The following MCTP2 variants were observed in gnomAD, a reference collection of about 807,000 sequenced individuals.
MCTP2 encodes multiple C2 and transmembrane domain-containing protein 2.
In MCTP2, 132 loss-of-function variants were observed where a neutral mutation model predicts 111.6. That is an observed-to-expected ratio of 1.18 (90% CI 1.03 to 1.37). The LOEUF is 1.37. Ranked by LOEUF, MCTP2 falls within the 40% of genes most tolerant of loss-of-function variation. MCTP2 has a pLI of 0.00. For synonymous variants in MCTP2, 395 were observed against 387.7 expected (o/e 1.02, Z -0.22); for missense variants, 1,183 against 1,067.9 (o/e 1.11, Z -1.50).
intron 1 of MCTP2, among the ~76,000 whole-genome samples, chr15:94,238,386 A>G (rs1054653361): frequency 2.0e-5 from 3 of 152,132 alleles, no homozygotes; most frequent in East Asian, 1.9e-4. Context: ...CATTTTGTAT[A>G]TTGTGTAGAT....
chr15:94,350,641 C>G (rs2078252930), intron 8 of MCTP2, among the ~76,000 whole-genome samples: 1 of 152,184 alleles, frequency 6.6e-6, no homozygotes, highest in South Asian at 2.1e-4. Context: ...AGCTGTGTAC[C>G]TCACTGCTTC....
chr15:94,355,153 A>C lies in MCTP2; in HGVS notation c.1006-984A>C, dbSNP rs189430257. The stretch of plus-strand genomic sequence containing the variant: ...GACCATCAGGGAAATGTGAATATGC[A>C]CTGTGTATTTAATATGCTAGACAAC... On this transcript the variant is annotated intron_variant, in intron 8 of 22. Coordinates refer to ENST00000357742, the MANE Select transcript of MCTP2 (RefSeq NM_001385001.1). Among the ~76,000 whole-genome samples, 25 of 152,334 alleles carry C rather than the reference A, an allele frequency of 1.6e-4. No homozygotes were observed. The East Asian group carries it at 4.8e-3, about 29-fold the overall frequency.
chr15:94,475,642 G>A (rs1395747588), intron 21 of MCTP2, among the ~76,000 whole-genome samples: 1 of 152,144 alleles, frequency 6.6e-6, no homozygotes, highest in African/African-American at 2.4e-5. Flanking sequence ...CAAGCACCCT[G>A]TGGCAAAACT....
intron 1 of MCTP2, among the ~76,000 whole-genome samples, chr15:94,263,783 A>AT: frequency 6.6e-6 from 1 of 152,172 alleles, no homozygotes; most frequent in Non-Finnish European, 1.5e-5. Flanking sequence ...AGTGATTCAC[A>AT]TTTTTTTGCA....
chr15:94,288,115 G>C (rs2074848731), intron 1 of MCTP2, among the ~76,000 whole-genome samples: 1 of 152,192 alleles, frequency 6.6e-6, no homozygotes, highest in South Asian at 2.1e-4. Context: ...AGAGCTATTT[G>C]GTAGCTCTTA....
chr15:94,352,006 CAG>C (rs1367720059), intron 8 of MCTP2, among the ~76,000 whole-genome samples: 1 of 152,196 alleles, frequency 6.6e-6, no homozygotes, highest in African/African-American at 2.4e-5. Flanking sequence ...GTTTCCTCTG[CAG>C]CCATGCCAAG....
chr15:94,333,328 G>A (rs2077212630), intron 4 of MCTP2, among the ~76,000 whole-genome samples: 4 of 152,136 alleles, frequency 2.6e-5, no homozygotes, highest in Admixed American at 2.0e-4. Context: ...TTTGTGATAA[G>A]TGTACATTTA....
intron 1 of MCTP2, among the ~76,000 whole-genome samples, chr15:94,270,640 C>T (rs960358349): frequency 7.9e-5 from 12 of 152,280 alleles, no homozygotes; most frequent in Admixed American, 2.6e-4. Flanking sequence ...CTATCCCCCT[C>T]TCCTGGCCTT....
intron 1 of MCTP2, among the ~76,000 whole-genome samples, chr15:94,258,165 TGTGCCTG>T (rs1596201423): frequency 6.6e-6 from 1 of 151,456 alleles, no homozygotes; most frequent in East Asian, 1.9e-4. Flanking sequence ...TGTGAGCCAC[TGTGCCTG>T]GCCACATATT....
At chr15:94,401,275 C>A (rs1250582291) in intron 16 of MCTP2, among the ~76,000 whole-genome samples, 1 of 152,118 alleles carries the variant, frequency 6.6e-6, no homozygotes, top group Non-Finnish European at 1.5e-5. Context: ...AAAGCACTTA[C>A]TATGTGACAG....
chr15:94,424,159 C>G (rs1365055969), intron 17 of MCTP2, among the ~76,000 whole-genome samples: 2 of 152,096 alleles, frequency 1.3e-5, no homozygotes, highest in African/African-American at 4.8e-5. Flanking sequence ...TATTCTGTGA[C>G]TTGCATTTAT....
At chr15:94,318,829 T>C (rs1158573308) in intron 4 of MCTP2, among the ~76,000 whole-genome samples, 1 of 152,258 alleles carries the variant, frequency 6.6e-6, no homozygotes, top group African/African-American at 2.4e-5. Flanking sequence ...CATATCTTGC[T>C]GTTTCAAGAC....
chr15:94,376,313 C>T (rs979169634), intron 12 of MCTP2, among the ~76,000 whole-genome samples: 1 of 152,136 alleles, frequency 6.6e-6, no homozygotes, highest in East Asian at 1.9e-4. Context: ...AACCAGTGTC[C>T]AGTTCAATGA....
At chr15:94,403,424 C>A (rs2081712452) in intron 17 of MCTP2, among the ~76,000 whole-genome samples, 1 of 152,142 alleles carries the variant, frequency 6.6e-6, no homozygotes, top group South Asian at 2.1e-4. Context: ...CAATTCTGGG[C>A]AAAAGAGGAA....
Position 94,470,163 on chromosome 15 carries a change from C to G in MCTP2, c.2361-170C>G, listed in dbSNP as rs368325926. On this transcript the variant is annotated intron_variant, in intron 20 of 22. Coordinates refer to ENST00000357742, the MANE Select transcript of MCTP2 (RefSeq NM_001385001.1). ...GACTGTCCTTTTAAGAATGTTTTTC[C>G]AGTACCCAATCATTTTGGCAGACTC... 2.6e-5 allele frequency among the ~76,000 whole-genome samples: 4 copies of G among 152,208 alleles called. No homozygotes were observed. The East Asian group carries it at 7.7e-4, about 29-fold the overall frequency.
intron 8 of MCTP2, among the ~76,000 whole-genome samples, chr15:94,352,708 C>A (rs868369457): frequency 1.3e-5 from 2 of 152,092 alleles, no homozygotes; most frequent in African/African-American, 4.8e-5. Flanking sequence ...CGGGCACAGG[C>A]ATGAAAACCT....
chr15:94,471,603 A>G (rs2073933262), intron 21 of MCTP2, among the ~76,000 whole-genome samples: 2 of 152,130 alleles, frequency 1.3e-5, no homozygotes, highest in South Asian at 4.1e-4. Context: ...TCAGGGATCT[A>G]TTTTAATACT....
At chr15:94,464,257 T>TATATTATATATATATATATTA (rs4001978) in intron 20 of MCTP2, among the ~76,000 whole-genome samples, 1 of 44,968 alleles carries the variant, frequency 2.2e-5, no homozygotes, top group African/African-American at 6.0e-5. Context: ...TATATATATA[T>TATATTATATATATATATATTA]TATATATATA....
At chr15:94,275,911 G>C (rs1013141298) in intron 1 of MCTP2, among the ~76,000 whole-genome samples, 1 of 149,040 alleles carries the variant, frequency 6.7e-6, no homozygotes, top group Non-Finnish European at 1.5e-5. Flanking sequence ...GTAGTGGCGC[G>C]GATCTTGGCT....
Sources: allele counts gnomAD v4.1 joint callset (sites outside exome capture counted in the v4.1 genomes callset), GRCh38; gene constraint gnomAD v4.1.1; transcripts MANE v1.5; gene names NCBI Gene and HGNC (gene_info 2026-07-23, HGNC 2026-07-21).